CDH13: variants seen among roughly 807,000 people sequenced by gnomAD.
The protein encoded by CDH13 is cadherin-13.
A neutral mutation model predicts 63.8 loss-of-function variants in CDH13; 24 were observed. The ratio of observed to expected loss-of-function variants is 0.38; its 90% CI spans 0.27 to 0.53. The LOEUF is 0.53. Among genes scored for constraint, CDH13 ranks in the 20% least tolerant of loss-of-function variants. The pLI is 0.85. For synonymous variants in CDH13, 503 were observed against 355.3 expected (o/e 1.42, Z -4.67); for missense variants, 1,049 against 903.1 (o/e 1.16, Z -2.07).
At chr16:83,253,799 G>T (rs1905880485) in intron 5 of CDH13, among the ~76,000 whole-genome samples, 1 of 152,226 alleles carries the variant, frequency 6.6e-6, no homozygotes, top group African/African-American at 2.4e-5. Flanking sequence ...ACACACAGCT[G>T]CCTGTGGACA....
intron 7 of CDH13, among the ~76,000 whole-genome samples, chr16:83,569,485 C>T (rs902919316): frequency 3.9e-5 from 6 of 152,208 alleles, no homozygotes; most frequent in Non-Finnish European, 5.9e-5. Context: ...GGAAACTATG[C>T]TTGAAATATA....
chr16:83,290,782 A>G (rs2089447517), intron 5 of CDH13, among the ~76,000 whole-genome samples: 1 of 152,006 alleles, frequency 6.6e-6, no homozygotes, highest in Non-Finnish European at 1.5e-5. Flanking sequence ...TCCACTGTCC[A>G]TGCACGTGCA....
intron 5 of CDH13, among the ~76,000 whole-genome samples, chr16:83,281,469 T>A (rs2089173347): frequency 6.6e-6 from 1 of 152,192 alleles, no homozygotes; most frequent in African/African-American, 2.4e-5. Flanking sequence ...AATAAGGCAG[T>A]TTCACTTCCT....
At chr16:83,255,104 C>T (rs529526956) in intron 5 of CDH13, among the ~76,000 whole-genome samples, 4 of 152,122 alleles carry the variant, frequency 2.6e-5, no homozygotes, top group African/African-American at 9.6e-5. Context: ...CAGGAATGCA[C>T]AAAACCTCTG....
chr16:83,030,527 C>G (rs777803585), intron 2 of CDH13, among the ~76,000 whole-genome samples: 3 of 151,578 alleles, frequency 2.0e-5, no homozygotes, highest in African/African-American at 7.3e-5. Context: ...TCTGTAATCC[C>G]AGCTACCCAG....
At chr16:82,895,434 T>C (rs1452502475) in intron 2 of CDH13, among the ~76,000 whole-genome samples, 1 of 152,190 alleles carries the variant, frequency 6.6e-6, no homozygotes, top group Non-Finnish European at 1.5e-5. Flanking sequence ...TGCTAGTCTT[T>C]TCTTCACTCT....
At chr16:82,637,185 G>C (rs879505329) in intron 1 of CDH13, among the ~76,000 whole-genome samples, 1 of 152,188 alleles carries the variant, frequency 6.6e-6, no homozygotes, top group Non-Finnish European at 1.5e-5. Context: ...TTCAGCCACT[G>C]AATGAAGTTT....
At chr16:82,772,890 G>A (rs1471354270) in intron 1 of CDH13, among the ~76,000 whole-genome samples, 1 of 152,224 alleles carries the variant, frequency 6.6e-6, no homozygotes, top group Non-Finnish European at 1.5e-5. Context: ...ACACATGGTT[G>A]TGGGGGCATA....
At chr16:83,643,907 T>C (rs1277224731) in intron 8 of CDH13, among the ~76,000 whole-genome samples, 1 of 152,218 alleles carries the variant, frequency 6.6e-6, no homozygotes, top group Non-Finnish European at 1.5e-5. Flanking sequence ...ACTACCCAGC[T>C]CTTCCTCTAA....
chr16:82,762,676 G>A (rs145440214), intron 1 of CDH13, among the ~76,000 whole-genome samples: 283 of 152,270 alleles, frequency 1.9e-3, no homozygotes, highest in Admixed American at 3.4e-3. Flanking sequence ...AACAGTGGGC[G>A]TACTGGACTT....
chr16:82,742,376 A>G (rs1283438802), intron 1 of CDH13, among the ~76,000 whole-genome samples: 2 of 152,148 alleles, frequency 1.3e-5, no homozygotes, highest in African/African-American at 2.4e-5. Flanking sequence ...TAGCATTTAT[A>G]GTAAATGAAA....
At chr16:83,007,856 C>T (rs903859126) in intron 2 of CDH13, among the ~76,000 whole-genome samples, 4 of 151,732 alleles carry the variant, frequency 2.6e-5, no homozygotes, top group Non-Finnish European at 4.4e-5. Context: ...AGAAAAATGC[C>T]TTAAAATTAT....
chr16:82,900,716 G>A (rs1362159118), intron 2 of CDH13, among the ~76,000 whole-genome samples: 2 of 152,150 alleles, frequency 1.3e-5, no homozygotes, highest in African/African-American at 2.4e-5. Context: ...GTCAAGAGGC[G>A]AGCCTGGGAG....
At chr16:83,410,076 C>T (rs887598990) in intron 6 of CDH13, among the ~76,000 whole-genome samples, 1 of 152,060 alleles carries the variant, frequency 6.6e-6, no homozygotes, top group East Asian at 1.9e-4. Flanking sequence ...GAGTTCGGGT[C>T]CCTGAGAGTT....
intron 6 of CDH13, among the ~76,000 whole-genome samples, chr16:83,457,525 T>C (rs2073056294): frequency 6.6e-6 from 1 of 152,152 alleles, no homozygotes; most frequent in African/African-American, 2.4e-5. Flanking sequence ...AGCACATGGA[T>C]CCTCAATAAA....
At chr16:82,975,518 A>G (rs1052787821) in intron 2 of CDH13, among the ~76,000 whole-genome samples, 2 of 152,242 alleles carry the variant, frequency 1.3e-5, no homozygotes, top group Non-Finnish European at 2.9e-5. Flanking sequence ...TAGGACTGCC[A>G]TGTGGCTTAC....
chr16:83,102,995 C>G (rs943523399), intron 3 of CDH13, among the ~76,000 whole-genome samples: 5 of 116,020 alleles, frequency 4.3e-5, no homozygotes, highest in Admixed American at 1.9e-4. Flanking sequence ...CTCTGTCACC[C>G]AGGTTGGAGT....
chr16:83,013,136 G>A (rs1473767177), intron 2 of CDH13, among the ~76,000 whole-genome samples: 1 of 152,214 alleles, frequency 6.6e-6, no homozygotes, highest in Non-Finnish European at 1.5e-5. Flanking sequence ...AAAAGGATTA[G>A]AAAGTAAATA....
chr16:83,494,953 A>G (rs1337683452), intron 7 of CDH13, among the ~76,000 whole-genome samples: 1 of 152,230 alleles, frequency 6.6e-6, no homozygotes, highest in African/African-American at 2.4e-5. Flanking sequence ...ACTTCAAGTT[A>G]TAGGATCATC....
Sources: allele counts gnomAD v4.1 joint callset (sites outside exome capture counted in the v4.1 genomes callset), GRCh38; gene constraint gnomAD v4.1.1; transcripts MANE v1.5; gene names NCBI Gene and HGNC (gene_info 2026-07-23, HGNC 2026-07-21).